SETD4: variants seen among roughly 807,000 people sequenced by gnomAD.
SETD4 encodes the protein SET domain containing 4.
A neutral mutation model predicts 58.3 loss-of-function variants in SETD4; 46 were observed. That is an observed-to-expected ratio of 0.79 (90% CI 0.62 to 1.01). The LOEUF is 1.01. SETD4 is among the 50% of genes least tolerant of loss of function. The pLI is 0.00. For synonymous variants in SETD4, 190 were observed against 202.6 expected, an observed-to-expected ratio of 0.94 and a Z score of 0.53; for missense variants, 490 against 523.3, an observed-to-expected ratio of 0.94 and a Z score of 0.62.
Position 36,044,952 on chromosome 21 carries a change from G to A in SETD4, c.726+630C>T, listed in dbSNP as rs143952142. ...ACTCATTTCCTAAATGAGCCACCTG[G>A]GGAAAGCGCTGGGGAGGAGGCGATC... On this transcript the variant is annotated intron_variant, in intron 6 of 11. Coordinates refer to ENST00000332131, the MANE Select transcript of SETD4 (RefSeq NM_017438.5). Among the ~76,000 whole-genome samples the A allele has an allele frequency of 5.4e-3, 823 of 152,268 alleles. 5 individuals carry two copies. Among genetic ancestry groups the A allele is most frequent in the African/African-American group, 0.018 (768 of 41,550 alleles).
chr21:36,052,384 TAAAAAA>T (rs143468751), intron 4 of SETD4, among the ~76,000 whole-genome samples: 1 of 122,702 alleles, frequency 8.1e-6, no homozygotes, highest in Admixed American at 8.2e-5. Context: ...CTGTCTCTAC[TAAAAAA>T]AAAAAAAAAA....
At chr21:36,051,351 A>G (rs1176043541) in intron 4 of SETD4, 2 of 1,552,020 alleles carry the variant, frequency 1.3e-6, no homozygotes, top group African/African-American at 2.7e-5. Flanking sequence ...GCTGCTAGCC[A>G]ATGAAATCAA....
At chr21:36,050,405 T>C (rs976069328) in intron 4 of SETD4, 6 of 1,614,056 alleles carry the variant, frequency 3.7e-6, no homozygotes, top group Non-Finnish European at 4.2e-6. Flanking sequence ...TGCGGATCAA[T>C]GGAGAGCTAA....
chr21:36,040,475 G>A lies in SETD4; in HGVS notation c.1064+100C>T. 1.6e-5 allele frequency: 15 copies of A among 930,942 alleles called. No individual in the cohort carries two copies. The South Asian group carries it at 2.0e-4, about 13-fold the overall frequency. The allele number at this position is 930,942 out of a possible 1,614,324, so 57.7% of individuals were successfully genotyped here. ...TGTATGACATCCCTTTTTCCTCCCT[G>A]GCTGGGTATCTGAATGCAAGCCAAA... is the stretch of plus-strand genomic sequence containing the variant. On this transcript the variant is annotated intron_variant, in intron 9 of 11. Coordinates refer to ENST00000332131, the MANE Select transcript of SETD4 (RefSeq NM_017438.5).
rs760434506 is a variant in SETD4 at position 36,038,194 on chromosome 21, T to C, written c.1144A>G (p.Ile382Val). The C allele has an allele frequency of 6.2e-7, 1 of 1,613,994 alleles. No individual in the cohort carries two copies. Among genetic ancestry groups the C allele is most frequent in the Non-Finnish European group, 8.5e-7 (1 of 1,179,970 alleles). ...EKTSLDIAQK[I>V]CYYFIEETNA... is the part of the protein sequence containing the mutation. ...GTCTCTTCTATGAAATAATAGCATA[T>C]TTTCTGGGCTATGTCCAAACTTGTC... The change falls in exon 10 of 12, where the codon ATA becomes GTA. Residue 382 changes from isoleucine (I) to valine (V), a missense_variant. Transcript: ENST00000332131.
At chr21:36,044,722 G>A (rs1281600851) in intron 6 of SETD4, among the ~76,000 whole-genome samples, 1 of 152,208 alleles carries the variant, frequency 6.6e-6, no homozygotes, top group Non-Finnish European at 1.5e-5. Flanking sequence ...CTGATCTCAC[G>A]TAGAGAGCAC....
At chr21:36,045,189 G>T (rs74543520) in intron 6 of SETD4, among the ~76,000 whole-genome samples, 1 of 152,174 alleles carries the variant, frequency 6.6e-6, no homozygotes, top group Non-Finnish European at 1.5e-5. Flanking sequence ...AGCGATCAGA[G>T]CGAAGAGAAA....
rs1226890998 is a variant in SETD4 at position 36,051,665 on chromosome 21, G to A, written c.207+1918C>T. On this transcript the variant is annotated intron_variant, in intron 4 of 11. Transcript: ENST00000332131. ...AAATTTGTATGCTCATAGACCATGAGGAACAAATACTTTTTTTTTCATGGT... is the reference window on the plus strand; with the variant it reads ...AAATTTGTATGCTCATAGACCATGAAGAACAAATACTTTTTTTTTCATGGT... 3.3e-5 allele frequency among the ~76,000 whole-genome samples: 5 copies of A among 152,088 alleles called. No homozygotes were observed. In the South Asian group the frequency reaches 6.2e-4, roughly 19 times the overall value.
In SETD4 at chr21:36,048,361, G is replaced by A. The variant is rs765543660; in HGVS notation, c.243C>T (p.Cys81=). ...GQMIISLPES[C]LLTTDTVIRS... ...GAATCACTGTGTCCGTGGTGAGCAG[G>A]CAACTCTCAGGCAACGAAATAATCA... Residue 81 remains cysteine, a synonymous_variant, in exon 5 of 12, where the codon TGC becomes TGT. Coordinates refer to ENST00000332131, the MANE Select transcript of SETD4 (RefSeq NM_017438.5). 8 of 1,613,952 alleles carry A rather than the reference G, an allele frequency of 5.0e-6. No homozygotes were observed. In the East Asian group the frequency reaches 1.8e-4, roughly 36 times the overall value.
intron 8 of SETD4, among the ~76,000 whole-genome samples, chr21:36,041,281 C>T (rs996871632): frequency 6.6e-6 from 1 of 151,956 alleles, no homozygotes; most frequent in African/African-American, 2.4e-5. Context: ...CTACCCTGGG[C>T]ATCCCACTGA....
At chr21:36,053,688 T>C (rs965403102) in intron 3 of SETD4, 68 bp from the exon 4 acceptor site, 31 of 1,501,042 alleles carry the variant, frequency 2.1e-5, no homozygotes, top group South Asian at 7.0e-5. Flanking sequence ...ATAACTATTA[T>C]GGAAAAAAAA....
In SETD4 at chr21:36,053,564, A is replaced by T. The variant is rs1195162688; in HGVS notation, c.207+19T>A. 2.5e-6 allele frequency: 4 copies of T among 1,613,960 alleles called. No individual in the cohort carries two copies. Among genetic ancestry groups the T allele is most frequent in the Non-Finnish European group, 3.4e-6 (4 of 1,179,880 alleles). On this transcript the variant is annotated intron_variant, in intron 4 of 11. Coordinates refer to ENST00000332131, the MANE Select transcript of SETD4 (RefSeq NM_017438.5). ...GCAAAATCTACATTGGGTTTCAAGG[A>T]TCAAAGAACAGTTCTCACCTGCAGG...
Position 36,038,136 on chromosome 21 carries a change from T to A in SETD4, c.1188+14A>T. On this transcript the variant is annotated intron_variant, in intron 10 of 11. Coordinates refer to ENST00000332131, the MANE Select transcript of SETD4 (RefSeq NM_017438.5). ...AAGACACTTCTTTAAGGATGTCATATTCTAGAAACATACCTTTTGAAGCAC... is the reference window on the plus strand; with the variant it reads ...AAGACACTTCTTTAAGGATGTCATAATCTAGAAACATACCTTTTGAAGCAC... 2 of 1,607,414 alleles carry A rather than the reference T, an allele frequency of 1.2e-6. No individual in the cohort carries two copies. The highest frequency in any genetic ancestry group is 8.5e-7 in the Non-Finnish European group (1 of 1,178,130).
intron 4 of SETD4, chr21:36,050,893 T>A: frequency 6.2e-7 from 1 of 1,611,034 alleles, no homozygotes; most frequent in Non-Finnish European, 8.5e-7. Flanking sequence ...GATGGGAGAA[T>A]GCAAAGCAAC....
At chr21:36,035,999 T>C (rs1601181967) in intron 11 of SETD4, 39 bp from the exon 12 acceptor site, 4 of 1,294,158 alleles carry the variant, frequency 3.1e-6, no homozygotes, top group South Asian at 1.3e-5. Context: ...AAGTTCCTAA[T>C]TGTTGAGTAG....
chr21:36,038,939 CG>C (rs1167386537), intron 9 of SETD4, among the ~76,000 whole-genome samples: 1 of 151,946 alleles, frequency 6.6e-6, no homozygotes, highest in African/African-American at 2.4e-5. Flanking sequence ...GAAGAACTAC[CG>C]GGAGAAAGAC....
intron 3 of SETD4, among the ~76,000 whole-genome samples, 155 bp from the exon 4 acceptor site, chr21:36,053,775 A>G (rs937109600): frequency 1.3e-5 from 2 of 152,232 alleles, no homozygotes; most frequent in African/African-American, 2.4e-5. Context: ...ACAGGGAGTC[A>G]GAAAGCTATT....
At chr21:36,040,111 G>T (rs1308012259) in intron 9 of SETD4, among the ~76,000 whole-genome samples, 1 of 152,228 alleles carries the variant, frequency 6.6e-6, no homozygotes, top group Non-Finnish European at 1.5e-5. Flanking sequence ...TGGCCAGGAT[G>T]CACACCCACA....
chr21:36,045,572 A>G lies in SETD4; in HGVS notation c.726+10T>C. ...CAAATAGAATAGCTGCTCCCTTGTC[A>G]GCTTCTCACCTGGACATGTGGGCTA... On this transcript the variant is annotated intron_variant, in intron 6 of 11. Coordinates refer to ENST00000332131, the MANE Select transcript of SETD4 (RefSeq NM_017438.5). 2 of 1,608,858 alleles carry G rather than the reference A, an allele frequency of 1.2e-6. No homozygotes were observed. Among genetic ancestry groups the G allele is most frequent in the Non-Finnish European group, 1.7e-6 (2 of 1,176,036 alleles).
Sources: gnomAD v4.1 joint callset for allele counts (sites outside exome capture counted in the v4.1 genomes callset) on GRCh38, gnomAD v4.1.1 for gene constraint, MANE v1.5 for transcripts, NCBI Gene and HGNC (gene_info 2026-07-23, HGNC 2026-07-21) for gene names.